Variants in NUDC observed in about 807,000 individuals in gnomAD.
The protein encoded by NUDC is nuclear migration protein nudC.
In NUDC, 14 loss-of-function variants were observed where a neutral mutation model predicts 45.0. That is an observed-to-expected ratio of 0.31 (90% CI 0.21 to 0.49). NUDC has a LOEUF of 0.49. NUDC is among the 20% of genes least tolerant of loss of function. The pLI is 0.99. For missense variants in NUDC, 323 were observed against 426.2 expected, an observed-to-expected ratio of 0.76 and a Z score of 2.13; for synonymous variants, 153 against 156.7, an observed-to-expected ratio of 0.98 and a Z score of 0.17.
chr1:26,913,304 A>C, intron 3 of NUDC: 1 of 1,029,780 alleles, frequency 9.7e-7, no homozygotes, highest in Non-Finnish European at 1.5e-6. Context: ...TAAAAAGAAA[A>C]TGAGGACCCA....
At chr1:26,937,067 G>T (rs2082240986) in intron 2 of NUDC, among the ~76,000 whole-genome samples, 3 of 152,152 alleles carry the variant, frequency 2.0e-5, no homozygotes, top group African/African-American at 7.2e-5. Context: ...TAATTTGCTA[G>T]AATGATTCAA....
At chr1:26,915,454 G>T (rs1051292940) in intron 3 of NUDC, among the ~76,000 whole-genome samples, 1 of 152,186 alleles carries the variant, frequency 6.6e-6, no homozygotes, top group Admixed American at 6.5e-5. Context: ...GAGCACAGGG[G>T]ATGAGAGAAG....
chr1:26,907,921 G>C (rs975630655), intron 2 of NUDC, among the ~76,000 whole-genome samples: 8 of 152,328 alleles, frequency 5.3e-5, no homozygotes, highest in African/African-American at 1.7e-4. Flanking sequence ...GCTCATGCCT[G>C]TAATCCCAGC....
rs1354325920 is a variant in NUDC at position 26,921,839 on chromosome 1, A to T, written c.-10A>T. On this transcript the variant is annotated 5_prime_UTR_variant, in exon 1 of 9. Transcript: ENST00000321265. ...TGCAGAGCTCCGGGACGTGGATCGGAGCCGGCGCGATGGGCGGAGAGCAGG... is the reference window on the plus strand; with the variant it reads ...TGCAGAGCTCCGGGACGTGGATCGGTGCCGGCGCGATGGGCGGAGAGCAGG... 1 of 1,551,050 alleles carries T rather than the reference A, an allele frequency of 6.4e-7. No individual in the cohort carries two copies. The highest frequency in any genetic ancestry group is 8.7e-7 in the Non-Finnish European group (1 of 1,147,378).
Position 26,945,651 on chromosome 1 carries a change from T to G in NUDC, c.909T>G (p.Thr303=). The G allele has an allele frequency of 6.2e-7, 1 of 1,614,116 alleles. No individual in the cohort carries two copies. The highest frequency in any genetic ancestry group is 8.5e-7 in the Non-Finnish European group (1 of 1,180,010). The part of the protein sequence containing the change: ...DQRQKSMGLP[T]SDEQKKQEIL... The stretch of plus-strand genomic sequence containing the variant: ...GACAGAAGTCCATGGGGCTGCCAAC[T>G]TCAGACGAACAGAAGAAACAGGAGA... The change falls in exon 8 of 9, where the codon ACT becomes ACG. Residue 303 remains threonine (T), a synonymous_variant. Coordinates refer to ENST00000321265, the MANE Select transcript of NUDC (RefSeq NM_006600.4).
intron 2 of NUDC, among the ~76,000 whole-genome samples, chr1:26,930,168 G>GTGTTT (rs529427049): frequency 2.0e-3 from 298 of 152,256 alleles, no homozygotes; most frequent in African/African-American, 5.6e-3. Context: ...TCTTACTATT[G>GTGTTT]TGTTTTGTTT....
Position 26,913,639 on chromosome 1 carries a change from GCCAACCCAA to G in NUDC, c.93+2405_93+2413del, listed in dbSNP as rs765008193. ...CACCTCAAAGGTCACAGCATCTTGG[GCCAACCCAA>G]GCAGGAAGAGGGGGCCCCAGCAACC... On this transcript the variant is annotated intron_variant, in intron 3 of 6. Transcript: ENST00000435827. The G allele has an allele frequency of 3.9e-5, 63 of 1,613,830 alleles. No individual in the cohort carries two copies. The East Asian group carries it at 1.4e-3, about 35-fold the overall frequency.
chr1:26,925,497 C>A (rs1388116209), intron 2 of NUDC, among the ~76,000 whole-genome samples: 1 of 135,720 alleles, frequency 7.4e-6, no homozygotes, highest in East Asian at 2.3e-4. Flanking sequence ...GCCGAGATCG[C>A]GCCATTGCAC....
rs2082317332 is a variant in NUDC at position 26,946,267 on chromosome 1, T to A, written c.*86T>A. On this transcript the variant is annotated 3_prime_UTR_variant, in exon 9 of 9. Transcript: ENST00000321265. ...CACTCTTCTCTGGGACTTGTGGGCC[T>A]CAGGGCTTGGGGCAGGCATGGGACT... is the stretch of plus-strand genomic sequence containing the variant. The A allele has an allele frequency of 8.1e-7, 1 of 1,240,286 alleles. No individual in the cohort carries two copies. Among genetic ancestry groups the A allele is most frequent in the Admixed American group, 1.7e-5 (1 of 59,118 alleles). 76.8% of individuals were successfully genotyped at this position (1,240,286 alleles called of 1,614,324 possible). A position where few individuals can be genotyped will look rare whatever the true frequency, so the allele number is the denominator to read the frequency against.
upstream of NUDC, chr1:26,900,204 TGA>T (rs1007314026): frequency 6.2e-7 from 1 of 1,614,026 alleles, no homozygotes; most frequent in African/African-American, 1.3e-5. Context: ...GGCCGAAGTC[TGA>T]GAGAGAAGCT....
intron 2 of NUDC, among the ~76,000 whole-genome samples, chr1:26,936,453 G>A (rs2082235071): frequency 6.6e-6 from 1 of 151,254 alleles, no homozygotes; most frequent in Non-Finnish European, 1.5e-5. Context: ...GCCTCCCAGA[G>A]TGCCTGGTTT....
At position 26,936,166 on chromosome 1, in the gene NUDC, T is replaced by TATATATATATATA. The variant is rs1491359477; in HGVS notation, c.160-5291_160-5290insATATATATATATA. Among the ~76,000 whole-genome samples the TATATATATATATA allele has an allele frequency of 8.2e-3, 15 of 1,838 alleles. 3 individuals carry two copies. The highest frequency in any genetic ancestry group is 0.045 in the South Asian group (1 of 22). 1.2% of individuals were successfully genotyped at this position (1,838 alleles called of 152,430 possible). A position where few individuals can be genotyped will look rare whatever the true frequency, so the allele number is the denominator to read the frequency against. ...ATATATATATATATATATATATATA[T>TATATATATATATA]TTTTTTTTTTTTTTTTTTTTTTTTT... On this transcript the variant is annotated intron_variant, in intron 2 of 8. Transcript: ENST00000321265.
chr1:26,936,640 T>G (rs923041289), intron 2 of NUDC, among the ~76,000 whole-genome samples: 9 of 151,954 alleles, frequency 5.9e-5, no homozygotes, highest in Admixed American at 5.9e-4. Flanking sequence ...CTACCTGGCC[T>G]ACAAAAAAAA....
chr1:26,946,488 G>C lies in NUDC; in HGVS notation c.*307G>C. ...AACTGGGAGTTTGGCTTCTAGCCCA[G>C]ATTCTGCCATGTGACCTAGGGCACA... is the stretch of plus-strand genomic sequence containing the variant. On this transcript the variant is annotated 3_prime_UTR_variant, in exon 9 of 9. Coordinates refer to ENST00000321265, the MANE Select transcript of NUDC (RefSeq NM_006600.4). 2.3e-6 allele frequency: 1 copy of C among 440,114 alleles called. No individual in the cohort carries two copies. Among genetic ancestry groups the C allele is most frequent in the Non-Finnish European group, 4.2e-6 (1 of 236,356 alleles). 27.3% of individuals were successfully genotyped at this position (440,114 alleles called of 1,614,324 possible). A position where few individuals can be genotyped will look rare whatever the true frequency, so the allele number is the denominator to read the frequency against.
At chr1:26,913,690 T>C (rs747144048) in intron 3 of NUDC, 11 of 1,612,632 alleles carry the variant, frequency 6.8e-6, no homozygotes, top group Non-Finnish European at 2.5e-6. Context: ...CAGCCGCCGC[T>C]GGTCCTGGGG....
At chr1:26,906,233 C>A (rs943290400) in intron 2 of NUDC, among the ~76,000 whole-genome samples, 2 of 151,524 alleles carry the variant, frequency 1.3e-5, no homozygotes, top group African/African-American at 4.9e-5. Flanking sequence ...GAGCTGAGAT[C>A]GCGCCACTGA....
At chr1:26,935,271 C>T (rs2082219674) in intron 2 of NUDC, among the ~76,000 whole-genome samples, 1 of 152,190 alleles carries the variant, frequency 6.6e-6, no homozygotes, top group South Asian at 2.1e-4. Context: ...GCGTGAGCCA[C>T]CGTGCCCAGC....
intron 1 of NUDC, among the ~76,000 whole-genome samples, chr1:26,901,864 G>A (rs779451629): frequency 1.3e-5 from 2 of 152,128 alleles, no homozygotes; most frequent in Non-Finnish European, 2.9e-5. Context: ...AGTGGTTCAC[G>A]CCTGTAATCC....
At chr1:26,908,968 C>T (rs941283710) in intron 2 of NUDC, among the ~76,000 whole-genome samples, 20 of 147,706 alleles carry the variant, frequency 1.4e-4, no homozygotes, top group African/African-American at 5.1e-4. Flanking sequence ...TCGTGATCCG[C>T]CTGGCCTTAT....
Sources: gnomAD v4.1 joint callset for allele counts (sites outside exome capture counted in the v4.1 genomes callset) on GRCh38, gnomAD v4.1.1 for gene constraint, MANE v1.5 for transcripts, NCBI Gene and HGNC (gene_info 2026-07-23, HGNC 2026-07-21) for gene names.